Variants in ESRRG observed in about 807,000 individuals in gnomAD.
ESRRG encodes estrogen related receptor gamma.
Under a neutral mutation model 44.0 loss-of-function variants are expected in ESRRG, and 13 were observed. The observed-to-expected ratio is 0.30, with a 90% CI of 0.19 to 0.47. The LOEUF (loss-of-function observed/expected upper bound fraction) is 0.47. ESRRG is among the 20% of genes least tolerant of loss of function. The pLI is 1.00. For missense variants in ESRRG, 395 were observed against 580.6 expected (o/e 0.68, Z 3.29); for synonymous variants, 215 against 214.6 (o/e 1.00, Z -0.02).
intron 2 of ESRRG, among the ~76,000 whole-genome samples, chr1:216,903,859 C>A (rs1349971223): frequency 6.6e-6 from 1 of 152,090 alleles, no homozygotes; most frequent in Non-Finnish European, 1.5e-5. Context: ...TAACTCTCTG[C>A]AGGATCCAAT....
chr1:216,597,592 C>T (rs2150094985), intron 3 of ESRRG, among the ~76,000 whole-genome samples: 2 of 152,300 alleles, frequency 1.3e-5, no homozygotes, highest in East Asian at 3.9e-4. Context: ...TCAAATGCTT[C>T]CCAGTCACAT....
At chr1:216,529,274 C>T (rs575421998) in intron 5 of ESRRG, among the ~76,000 whole-genome samples, 10 of 152,200 alleles carry the variant, frequency 6.6e-5, no homozygotes, top group African/African-American at 2.4e-4. Context: ...TTTAATAGGT[C>T]AGAACCAGGA....
chr1:217,135,613 G>T (rs1271560301), intron 1 of ESRRG, among the ~76,000 whole-genome samples: 2 of 152,082 alleles, frequency 1.3e-5, no homozygotes, highest in Non-Finnish European at 2.9e-5. Flanking sequence ...CGCGCGAAGC[G>T]GGGTCAGGCG....
chr1:216,641,617 G>A (rs1181510427), intron 3 of ESRRG, among the ~76,000 whole-genome samples: 1 of 152,190 alleles, frequency 6.6e-6, no homozygotes, highest in African/African-American at 2.4e-5. Flanking sequence ...AGAGACTAAA[G>A]CTATGCCACA....
Position 216,640,606 on chromosome 1 carries a change from C to T in ESRRG, c.589+10367G>A, listed in dbSNP as rs190937448. ...ACGGGGACTTAGAGATGAACAAAAT[C>T]GTGCCTCATACCTGATATATTAGTA... On this transcript the variant is annotated intron_variant, in intron 3 of 6. Transcript: ENST00000408911. Among the ~76,000 whole-genome samples the T allele has an allele frequency of 3.4e-4, 52 of 152,128 alleles. 1 individual carries two copies. The East Asian group carries it at 7.9e-3, about 23-fold the overall frequency.
intron 3 of ESRRG, among the ~76,000 whole-genome samples, chr1:216,591,478 T>G (rs2057657140): frequency 6.6e-6 from 1 of 152,170 alleles, no homozygotes; most frequent in Admixed American, 6.5e-5. Flanking sequence ...GGATACCCAG[T>G]TGGTGCCTAG....
rs527544728 is a variant in ESRRG at position 216,857,415 on chromosome 1, A to G, written c.-14+82167T>C. 7.0e-4 allele frequency among the ~76,000 whole-genome samples: 106 copies of G among 152,122 alleles called. 1 individual carries two copies. The highest frequency in any genetic ancestry group is 2.5e-3 in the African/African-American group (103 of 41,544). On this transcript the variant is annotated intron_variant, in intron 2 of 7. Transcript: ENST00000359162. ...AAAAATACGCTTTGCTGATTTATGC[A>G]TCTCTGCTTAGAATTTATTAACTGT...
intron 1 of ESRRG, among the ~76,000 whole-genome samples, chr1:217,062,640 G>A (rs2088797079): frequency 6.6e-6 from 1 of 152,154 alleles, no homozygotes; most frequent in Non-Finnish European, 1.5e-5. Flanking sequence ...AAACCAAAGA[G>A]GAGTGTCAGA....
intron 2 of ESRRG, among the ~76,000 whole-genome samples, chr1:216,867,798 G>T (rs1453847939): frequency 6.6e-6 from 1 of 151,680 alleles, no homozygotes; most frequent in Non-Finnish European, 1.5e-5. Context: ...CACTTATTTT[G>T]GTGTACAGCC....
chr1:217,053,208 ACT>A (rs1209181322), intron 1 of ESRRG, among the ~76,000 whole-genome samples: 3 of 151,446 alleles, frequency 2.0e-5, no homozygotes, highest in African/African-American at 7.3e-5. Flanking sequence ...TAATCCCAGA[ACT>A]CTGTGAGGCT....
At chr1:216,953,433 T>G (rs11117738) in intron 1 of ESRRG, among the ~76,000 whole-genome samples, 52,205 of 152,016 alleles carry the variant, frequency 0.34, 10,677 homozygotes, top group Non-Finnish European at 0.47. Flanking sequence ...GCTCACAGGC[T>G]TTTTTTCCCA....
chr1:216,950,889 C>T (rs1030854), intron 1 of ESRRG, among the ~76,000 whole-genome samples: 103,544 of 152,042 alleles, frequency 0.68, 37,586 homozygotes, highest in Middle Eastern at 0.83. Flanking sequence ...GCATGAGACA[C>T]TGACCGTGAA....
intron 3 of ESRRG, among the ~76,000 whole-genome samples, chr1:216,586,346 T>C (rs907574531): frequency 5.3e-5 from 8 of 152,176 alleles, no homozygotes; most frequent in Admixed American, 2.0e-4. Context: ...ATCATCGTCA[T>C]AGATGAAAGA....
Position 216,730,457 on chromosome 1 carries a change from T to C in ESRRG, c.-13-52966A>G, listed in dbSNP as rs187793989. On this transcript the variant is annotated intron_variant, in intron 2 of 7. Transcript: ENST00000359162. ...TAAGCACATTTTAACTATCATTTCC[T>C]TCAGGGATTCAGTTTTGTTAAATGG... Among the ~76,000 whole-genome samples, 271 of 152,268 alleles carry C rather than the reference T, an allele frequency of 1.8e-3. 1 individual carries two copies. The highest frequency in any genetic ancestry group is 6.4e-3 in the African/African-American group (267 of 41,554).
chr1:216,767,613 A>C (rs2093148963), intron 2 of ESRRG, among the ~76,000 whole-genome samples: 1 of 152,208 alleles, frequency 6.6e-6, no homozygotes, highest in African/African-American at 2.4e-5. Flanking sequence ...AAACTTATAC[A>C]GTGCAAAGCA....
intron 1 of ESRRG, among the ~76,000 whole-genome samples, chr1:217,115,627 T>C (rs2092715267): frequency 6.6e-6 from 1 of 152,166 alleles, no homozygotes; most frequent in Admixed American, 6.6e-5. Flanking sequence ...GAAACTTCTG[T>C]AAGGTTAGCT....
intron 2 of ESRRG, among the ~76,000 whole-genome samples, chr1:216,827,497 A>G (rs575887465): frequency 1.3e-5 from 2 of 152,166 alleles, no homozygotes; most frequent in Non-Finnish European, 2.9e-5. Flanking sequence ...CCATTTCATC[A>G]TCTATAAAAC....
chr1:217,041,488 T>G (rs1333104282), intron 1 of ESRRG, among the ~76,000 whole-genome samples: 1 of 152,212 alleles, frequency 6.6e-6, no homozygotes, highest in African/African-American at 2.4e-5. Flanking sequence ...ATAGGTTCAG[T>G]AGAGACTTAA....
intron 3 of ESRRG, 113 bp downstream of exon 3, chr1:216,650,860 G>C (rs1196594643): frequency 6.9e-6 from 5 of 726,118 alleles, no homozygotes; most frequent in East Asian, 4.9e-5. Flanking sequence ...ATCAGAGTCA[G>C]GGTACTTACT....
Sources: allele counts gnomAD v4.1 joint callset (sites outside exome capture counted in the v4.1 genomes callset), GRCh38; gene constraint gnomAD v4.1.1; transcripts MANE v1.5; gene names NCBI Gene and HGNC (gene_info 2026-07-23, HGNC 2026-07-21).